Variants in SOX6 observed in about 807,000 individuals in gnomAD.
SOX6 encodes transcription factor SOX-6.
Under a neutral mutation model 97.8 loss-of-function variants are expected in SOX6, and 11 were observed. The observed-to-expected ratio is 0.11, with a 90% CI of 0.07 to 0.19. SOX6 has a LOEUF of 0.19. SOX6 is among the 10% of genes least tolerant of loss of function. The pLI is 1.00. For synonymous variants in SOX6, 360 were observed against 371.4 expected (o/e 0.97, Z 0.35); for missense variants, 810 against 1,039.5 (o/e 0.78, Z 3.04).
intron 1 of SOX6, among the ~76,000 whole-genome samples, chr11:16,381,374 A>T (rs1413578601): frequency 6.6e-6 from 1 of 152,048 alleles, no homozygotes; most frequent in Non-Finnish European, 1.5e-5. Flanking sequence ...CACATGGAAA[A>T]GCTGATAGAG....
At chr11:16,603,366 C>T (rs1848294359) in intron 4 of SOX6, among the ~76,000 whole-genome samples, 1 of 152,192 alleles carries the variant, frequency 6.6e-6, no homozygotes, top group Non-Finnish European at 1.5e-5. Flanking sequence ...CTTACTGCTC[C>T]TAAGAACCCC....
At chr11:16,619,312 C>A (rs544787161) in intron 3 of SOX6, among the ~76,000 whole-genome samples, 4 of 150,436 alleles carry the variant, frequency 2.7e-5, no homozygotes, top group African/African-American at 7.3e-5. Context: ...AACCAGGCAC[C>A]ATGCTCTGTG....
rs769360781 is a variant in SOX6 at position 15,986,224 on chromosome 11, C to G, written c.2163G>C (p.Met721Ile). The G allele has an allele frequency of 6.2e-7, 1 of 1,614,144 alleles. No individual in the cohort carries two copies. The highest frequency in any genetic ancestry group is 1.1e-5 in the South Asian group (1 of 91,076). Residue 721 changes from methionine (M) to isoleucine (I), a missense_variant, in exon 15 of 16, where the codon ATG becomes ATC. Coordinates refer to ENST00000683767, the MANE Select transcript of SOX6 (RefSeq NM_001367873.1). ...CTTACCCCACAGTAAAGAACTGCCT[C>G]ATCTCCTGTCTCCGAGACCTCATCA... is the stretch of plus-strand genomic sequence containing the variant. ...KQLMRSRRQE[M>I]RQFFTVGQQP...
At chr11:16,702,089 A>C (rs1848099227) in intron 3 of SOX6, among the ~76,000 whole-genome samples, 1 of 152,216 alleles carries the variant, frequency 6.6e-6, no homozygotes, top group Non-Finnish European at 1.5e-5. Context: ...AATTCAGTTC[A>C]CAAAGAAGTA....
At chr11:16,735,643 A>G (rs1223377463) in intron 2 of SOX6, among the ~76,000 whole-genome samples, 1 of 152,200 alleles carries the variant, frequency 6.6e-6, no homozygotes, top group East Asian at 1.9e-4. Flanking sequence ...CACTAGCTAC[A>G]TTATTTTAAG....
chr11:16,088,576 T>A (rs1009921264), intron 9 of SOX6, among the ~76,000 whole-genome samples: 3 of 152,124 alleles, frequency 2.0e-5, no homozygotes, highest in East Asian at 3.9e-4. Flanking sequence ...TTTTTCAAAT[T>A]TCCTGAGCAT....
At chr11:16,419,647 A>G (rs980644366) in intron 1 of SOX6, among the ~76,000 whole-genome samples, 1 of 152,178 alleles carries the variant, frequency 6.6e-6, no homozygotes, top group Non-Finnish European at 1.5e-5. Flanking sequence ...TAATGATGAA[A>G]AATACATGAC....
intron 9 of SOX6, among the ~76,000 whole-genome samples, chr11:16,081,806 C>T (rs1848477636): frequency 6.6e-6 from 1 of 152,156 alleles, no homozygotes; most frequent in Non-Finnish European, 1.5e-5. Context: ...TGAAACTCTG[C>T]ATGGAAAATA....
At chr11:16,258,244 A>G (rs1040068804) in intron 3 of SOX6, among the ~76,000 whole-genome samples, 1 of 152,010 alleles carries the variant, frequency 6.6e-6, no homozygotes, top group Non-Finnish European at 1.5e-5. Flanking sequence ...TGTCCACACA[A>G]AAACCTACAC....
intron 13 of SOX6, among the ~76,000 whole-genome samples, chr11:16,014,416 A>T (rs1052783496): frequency 2.0e-5 from 3 of 152,074 alleles, no homozygotes; most frequent in Non-Finnish European, 4.4e-5. Context: ...GCAAACTATC[A>T]TTTAATCCCC....
intron 7 of SOX6, among the ~76,000 whole-genome samples, chr11:16,103,000 T>G (rs1002826956): frequency 6.6e-6 from 1 of 151,404 alleles, no homozygotes; most frequent in Non-Finnish European, 1.5e-5. Context: ...CAAAAGCAAA[T>G]GCAACAAAAG....
chr11:16,497,879 T>C (rs923844813), intron 4 of SOX6, among the ~76,000 whole-genome samples: 8 of 152,154 alleles, frequency 5.3e-5, no homozygotes, highest in African/African-American at 1.7e-4. Context: ...GGGAACCAAG[T>C]TGGAAAACAC....
Position 15,972,741 on chromosome 11 carries a change from T to C in SOX6, c.*68A>G. ...TGGAGCCACAAATGCATGCGGGCTCTTTAATAACTCTTTGTTGGGGAGGGG... is the reference window on the plus strand; with the variant it reads ...TGGAGCCACAAATGCATGCGGGCTCCTTAATAACTCTTTGTTGGGGAGGGG... On this transcript the variant is annotated 3_prime_UTR_variant, in exon 16 of 16. Transcript: ENST00000683767. The C allele has an allele frequency of 1.3e-6, 2 of 1,562,012 alleles. No homozygotes were observed. Among genetic ancestry groups the C allele is most frequent in the Non-Finnish European group, 1.8e-6 (2 of 1,133,960 alleles).
chr11:16,237,637 C>A (rs1381528793), intron 3 of SOX6, among the ~76,000 whole-genome samples: 2 of 151,940 alleles, frequency 1.3e-5, no homozygotes, highest in Non-Finnish European at 2.9e-5. Flanking sequence ...AATAAGATCA[C>A]ACTGAGTGGC....
At chr11:16,355,301 T>C (rs1310946018) in intron 1 of SOX6, among the ~76,000 whole-genome samples, 1 of 152,018 alleles carries the variant, frequency 6.6e-6, no homozygotes, top group Non-Finnish European at 1.5e-5. Flanking sequence ...ACAGGCATGA[T>C]GGAAAACAAA....
At chr11:16,189,168 GGGA>G (rs911052980) in intron 4 of SOX6, among the ~76,000 whole-genome samples, 1 of 152,154 alleles carries the variant, frequency 6.6e-6, no homozygotes, top group Non-Finnish European at 1.5e-5. Context: ...AATGTTCTGT[GGGA>G]GTTTAACCAA....
chr11:16,227,260 A>G (rs1485148653), intron 4 of SOX6, among the ~76,000 whole-genome samples: 1 of 152,194 alleles, frequency 6.6e-6, no homozygotes, highest in Admixed American at 6.5e-5. Context: ...TAACTGTAGT[A>G]TTAATTTGAA....
At chr11:16,496,695 C>G (rs1358962283) in intron 4 of SOX6, among the ~76,000 whole-genome samples, 2 of 152,226 alleles carry the variant, frequency 1.3e-5, no homozygotes, top group Non-Finnish European at 2.9e-5. Flanking sequence ...TCAGAGGGTC[C>G]TACGCCCACA....
intron 3 of SOX6, among the ~76,000 whole-genome samples, chr11:16,298,348 A>G (rs775787551): frequency 6.6e-6 from 1 of 152,182 alleles, no homozygotes; most frequent in Non-Finnish European, 1.5e-5. Flanking sequence ...CTTAAAATAT[A>G]CTTAAAGACA....
Sources: gnomAD v4.1 joint callset for allele counts (sites outside exome capture counted in the v4.1 genomes callset) on GRCh38, gnomAD v4.1.1 for gene constraint, MANE v1.5 for transcripts, NCBI Gene and HGNC (gene_info 2026-07-23, HGNC 2026-07-21) for gene names.